The following VASH2 variants were observed in gnomAD, a reference collection of about 807,000 sequenced individuals.
VASH2 encodes the protein tubulinyl-Tyr carboxypeptidase 2.
Under a neutral mutation model 37.2 loss-of-function variants are expected in VASH2, and 28 were observed. The observed-to-expected ratio is 0.75, with a 90% CI of 0.56 to 1.03. VASH2 has a LOEUF of 1.03. Among genes scored for constraint, VASH2 ranks in the 50% least tolerant of loss-of-function variants. The probability of loss-of-function intolerance (pLI) is 0.00; values close to 1 mark genes in which losing one functional copy is unlikely to be tolerated. For synonymous variants in VASH2, 188 were observed against 174.7 expected, an observed-to-expected ratio of 1.08 and a Z score of -0.60; for missense variants, 419 against 459.1, an observed-to-expected ratio of 0.91 and a Z score of 0.80.
At chr1:212,966,222 T>C in intron 4 of VASH2, 49 bp from the exon 5 acceptor site, 1 of 1,482,910 alleles carries the variant, frequency 6.7e-7, no homozygotes. Context: ...ACTGACCGAG[T>C]GTGTAATTAA....
chr1:212,973,030 G>A, intron 6 of VASH2, 69 bp downstream of exon 6: 1 of 1,544,836 alleles, frequency 6.5e-7, no homozygotes, highest in Non-Finnish European at 8.6e-7. Flanking sequence ...TCTGTCTCTT[G>A]CTCCAGGCCT....
At chr1:212,987,298 G>A (rs1312654365) in intron 7 of VASH2, among the ~76,000 whole-genome samples, 1 of 150,968 alleles carries the variant, frequency 6.6e-6, no homozygotes, top group Non-Finnish European at 1.5e-5. Flanking sequence ...AGGTTCGGCT[G>A]GGTGCGGTGG....
At chr1:212,952,579 T>C (rs902587890) in intron 2 of VASH2, 1 of 152,172 alleles carries the variant, frequency 6.6e-6, no homozygotes, top group Admixed American at 6.5e-5. Context: ...AGTGAGCCAT[T>C]TGGGTTTGGT....
rs754057893 is a variant in VASH2 at position 212,967,046 on chromosome 1, G to T, written c.497+701G>T. The T allele has an allele frequency of 8.7e-6, 11 of 1,271,232 alleles. No homozygotes were observed. In the Admixed American group the frequency reaches 1.1e-4, roughly 13 times the overall value. The allele number at this position is 1,271,232 out of a possible 1,614,324, so 78.7% of individuals were successfully genotyped here. On this transcript the variant is annotated intron_variant, in intron 5 of 7. Transcript: ENST00000517399. ...AGGCAGGAGCCATCGCGCCTGGCTC[G>T]CCAGGGAAAATTCTAAGAGTGGCGT... is the stretch of plus-strand genomic sequence containing the variant.
At chr1:212,977,564 A>C (rs1406492069) in intron 7 of VASH2, among the ~76,000 whole-genome samples, 1 of 151,950 alleles carries the variant, frequency 6.6e-6, no homozygotes, top group African/African-American at 2.4e-5. Context: ...GGGTAGGGCA[A>C]AGGAAGGGGG....
chr1:212,965,016 A>G (rs115007735), intron 3 of VASH2, among the ~76,000 whole-genome samples: 2 of 151,144 alleles, frequency 1.3e-5, no homozygotes, highest in East Asian at 2.0e-4. Flanking sequence ...TGCCTCTTAG[A>G]TTCAAGTGAT....
chr1:212,973,206 T>G (rs1396238999), intron 6 of VASH2, among the ~76,000 whole-genome samples: 1 of 152,234 alleles, frequency 6.6e-6, no homozygotes, highest in Non-Finnish European at 1.5e-5. Context: ...CATTTTATAT[T>G]GAAGCTCTAG....
Position 212,989,125 on chromosome 1 carries a change from T to C in VASH2, c.*541T>C, listed in dbSNP as rs61832447. 6.4e-6 allele frequency: 1 copy of C among 155,720 alleles called. No homozygotes were observed. The highest frequency in any genetic ancestry group is 1.4e-5 in the Non-Finnish European group (1 of 69,860). 9.6% of individuals were successfully genotyped at this position (155,720 alleles called of 1,614,324 possible). ...CTTTCCCCAGTATTTCCCATGGGGA[T>C]CTCCACAAGTTTGGAGTTTTTTCCT... On this transcript the variant is annotated 3_prime_UTR_variant, in exon 8 of 8. Coordinates refer to ENST00000517399, the MANE Select transcript of VASH2 (RefSeq NM_001301056.2).
intron 7 of VASH2, among the ~76,000 whole-genome samples, chr1:212,979,950 G>A (rs911579563): frequency 2.0e-5 from 3 of 152,184 alleles, no homozygotes; most frequent in African/African-American, 4.8e-5. Context: ...CTTCACTAAG[G>A]GGTGTTCCCA....
At chr1:212,961,673 G>A (rs909655426) in intron 3 of VASH2, among the ~76,000 whole-genome samples, 8 of 152,308 alleles carry the variant, frequency 5.3e-5, no homozygotes, top group Non-Finnish European at 1.0e-4. Context: ...CGCATTCTCA[G>A]CTCACTGAAA....
In VASH2 at chr1:212,978,970, C is replaced by T. The variant is rs987477461; in HGVS notation, c.995+4900C>T. 5.9e-5 allele frequency among the ~76,000 whole-genome samples: 9 copies of T among 152,118 alleles called. 1 individual carries two copies. The highest frequency in any genetic ancestry group is 1.0e-4 in the Non-Finnish European group (7 of 68,020). On this transcript the variant is annotated intron_variant, in intron 7 of 7. Coordinates refer to ENST00000517399, the MANE Select transcript of VASH2 (RefSeq NM_001301056.2). ...GGGAAGATTCTCTCCCTAATTCCTC[C>T]GAAACCTTGACTTCTGAGTTGCAGG...
intron 5 of VASH2, chr1:212,968,715 G>C (rs1181389662): frequency 2.0e-6 from 2 of 985,378 alleles, no homozygotes; most frequent in African/African-American, 3.5e-5. Context: ...CAACTCTTTA[G>C]TGGCAGGAGT....
intron 2 of VASH2, among the ~76,000 whole-genome samples, chr1:212,959,275 T>C (rs1666595937): frequency 6.6e-6 from 1 of 151,786 alleles, no homozygotes; most frequent in Non-Finnish European, 1.5e-5. Flanking sequence ...TCTGTGTGTG[T>C]GTGTGTGTGT....
chr1:212,975,526 C>T (rs1572075733), intron 7 of VASH2, among the ~76,000 whole-genome samples: 2 of 152,264 alleles, frequency 1.3e-5, no homozygotes, highest in African/African-American at 4.8e-5. Context: ...GTGATGCTGG[C>T]CACTGCCCTT....
chr1:212,957,101 T>C (rs758393846), intron 2 of VASH2, among the ~76,000 whole-genome samples: 2 of 152,228 alleles, frequency 1.3e-5, no homozygotes, highest in African/African-American at 4.8e-5. Flanking sequence ...CTGGGAACCT[T>C]ATATAAGAGG....
At chr1:212,955,119 A>G (rs1450499471) in intron 2 of VASH2, among the ~76,000 whole-genome samples, 2 of 152,214 alleles carry the variant, frequency 1.3e-5, no homozygotes, top group Admixed American at 6.5e-5. Context: ...AGGAATTTGT[A>G]CAGAAGAAGG....
At chr1:212,973,736 T>C in intron 6 of VASH2, 1 of 1,337,930 alleles carries the variant, frequency 7.5e-7, no homozygotes, top group Non-Finnish European at 9.6e-7. Context: ...TGACCATCTG[T>C]ATATCTGTCT....
intron 7 of VASH2, among the ~76,000 whole-genome samples, chr1:212,987,130 G>T (rs1036316092): frequency 6.6e-6 from 1 of 152,080 alleles, no homozygotes; most frequent in African/African-American, 2.4e-5. Flanking sequence ...GCTAGCTGTT[G>T]ATTTCTAGTT....
At chr1:212,969,770 T>A (rs1666954958) in intron 5 of VASH2, among the ~76,000 whole-genome samples, 1 of 152,162 alleles carries the variant, frequency 6.6e-6, no homozygotes, top group Admixed American at 6.5e-5. Context: ...TATGAATGGG[T>A]TCATCCGTCT....
Sources: gnomAD v4.1 joint callset for allele counts (sites outside exome capture counted in the v4.1 genomes callset) on GRCh38, gnomAD v4.1.1 for gene constraint, MANE v1.5 for transcripts, NCBI Gene and HGNC (gene_info 2026-07-23, HGNC 2026-07-21) for gene names.